Variants in ARID5A observed in about 807,000 individuals in gnomAD.
ARID5A encodes AT-rich interaction domain 5A.
A neutral mutation model predicts 30.5 loss-of-function variants in ARID5A; 14 were observed. That is an observed-to-expected ratio of 0.46 (90% CI 0.30 to 0.72). The LOEUF is 0.72. Ranked by LOEUF, ARID5A falls within the 30% of genes least tolerant of loss-of-function variation. ARID5A has a pLI of 0.07. For synonymous variants in ARID5A, 338 were observed against 340.4 expected, an observed-to-expected ratio of 0.99 and a Z score of 0.08; for missense variants, 669 against 786.2, an observed-to-expected ratio of 0.85 and a Z score of 1.78.
rs757209251 is a variant in ARID5A at position 96,552,325 on chromosome 2, GTGT to G, written c.*16_*18del. ...ACACCAAGCTGTAGGCCAGCCCATG[GTGT>G]TGTGTACACTGTGGAGTCGACAGGG... On this transcript the variant is annotated 3_prime_UTR_variant, in exon 7 of 7. Coordinates refer to ENST00000357485, the MANE Select transcript of ARID5A (RefSeq NM_212481.3). 5.0e-6 allele frequency: 8 copies of G among 1,613,300 alleles called. No homozygotes were observed. In the East Asian group the frequency reaches 1.1e-4, roughly 22 times the overall value.
intron 1 of ARID5A, among the ~76,000 whole-genome samples, chr2:96,546,566 C>T (rs960339867): frequency 6.6e-6 from 1 of 152,254 alleles, no homozygotes; most frequent in Non-Finnish European, 1.5e-5. Context: ...ACCGAACTAT[C>T]AGGGAGCCCC....
chr2:96,545,647 G>A, intron 1 of ARID5A, among the ~76,000 whole-genome samples: 1 of 152,038 alleles, frequency 6.6e-6, no homozygotes, highest in East Asian at 1.9e-4. Context: ...TGCATGCCAT[G>A]GAGAAGTCTT....
Position 96,551,780 on chromosome 2 carries a change from GTGTC to G in ARID5A, c.1253_1256del (p.Val418AlafsTer91). The G allele has an allele frequency of 6.5e-7, 1 of 1,539,448 alleles. No individual in the cohort carries two copies. The highest frequency in any genetic ancestry group is 8.7e-7 in the Non-Finnish European group (1 of 1,147,900). On this transcript the variant is annotated frameshift_variant, in exon 7 of 7. Transcript: ENST00000357485. LOFTEE classifies it low-confidence loss of function (END_TRUNC). ...CTACCCCAAGCCCAAAGCCTGCTGG[GTGTC>G]CCCCATGGCCAAGGTCCCAGCCGAG...
rs1315385975 is a variant in ARID5A, at chr2:96,550,552, G to C, written c.411-22G>C. 3.2e-6 allele frequency: 5 copies of C among 1,583,746 alleles called. No homozygotes were observed. In the African/African-American group the frequency reaches 4.0e-5, roughly 13 times the overall value. On this transcript the variant is annotated intron_variant, in intron 5 of 6. Coordinates refer to ENST00000357485, the MANE Select transcript of ARID5A (RefSeq NM_212481.3). The surrounding 1 kb of genome is among the most constrained non-coding windows in gnomAD (Gnocchi z 6.6). The stretch of plus-strand genomic sequence containing the variant: ...GGGGATGGGCGCCGGCCTCCTGGGG[G>C]ACATGCGTGGTTCCTCACCAGGCTG...
intron 1 of ARID5A, among the ~76,000 whole-genome samples, chr2:96,540,661 G>A (rs138591665): frequency 1.4e-3 from 207 of 152,352 alleles, no homozygotes; most frequent in African/African-American, 4.5e-3. Flanking sequence ...TGAAAAGAAA[G>A]ATGCAATACT....
chr2:96,546,009 G>A (rs1056258223), intron 1 of ARID5A, among the ~76,000 whole-genome samples: 1 of 151,554 alleles, frequency 6.6e-6, no homozygotes, highest in African/African-American at 2.4e-5. Context: ...CTTATTTTAA[G>A]AAATTGCCAC....
chr2:96,542,326 T>A (rs1261740078), intron 1 of ARID5A, among the ~76,000 whole-genome samples: 1 of 152,146 alleles, frequency 6.6e-6, no homozygotes, highest in Non-Finnish European at 1.5e-5. Flanking sequence ...ACCGAGTTCA[T>A]CTGGGGACTC....
chr2:96,548,723 C>T (rs1053121624), intron 2 of ARID5A, among the ~76,000 whole-genome samples: 35 of 152,360 alleles, frequency 2.3e-4, no homozygotes, highest in African/African-American at 6.7e-4. Context: ...GAGATTGCCC[C>T]TCTGGGACCC....
intron 1 of ARID5A, among the ~76,000 whole-genome samples, chr2:96,544,402 TAATG>T (rs2065892409): frequency 6.6e-6 from 1 of 152,248 alleles, no homozygotes; most frequent in Admixed American, 6.5e-5. Context: ...TGTTAGGGGC[TAATG>T]CAGCTGGTAC....
rs767237845 is a variant in ARID5A, at chr2:96,552,294, A to C, written c.1766A>C (p.His589Pro). The C allele has an allele frequency of 1.2e-6, 2 of 1,613,042 alleles. No individual in the cohort carries two copies. The highest frequency in any genetic ancestry group is 1.7e-6 in the Non-Finnish European group (2 of 1,179,786). The change falls in exon 7 of 7, where the codon CAC (histidine) becomes CCC (proline). Residue 589 changes from histidine (H) to proline (P), a missense_variant. Transcript: ENST00000357485. ...VTTYAAPHFFHLNTKL is the reference protein window; with the variant it reads ...VTTYAAPHFFPLNTKL ...ACCTATGCAGCGCCCCACTTCTTCC[A>C]CCTCAACACCAAGCTGTAGGCCAGC... is the stretch of plus-strand genomic sequence containing the variant.
Position 96,536,805 on chromosome 2 carries a change from C to A in ARID5A, c.-22C>A. Reference sequence around the variant, plus strand: ...CGCGCGCTGAGGGTCTCGGGGCGGGCGCCGCGGGACCTCTCCGGGCCATGG... The same window carrying A: ...CGCGCGCTGAGGGTCTCGGGGCGGGAGCCGCGGGACCTCTCCGGGCCATGG... On this transcript the variant is annotated 5_prime_UTR_variant, in exon 1 of 7. Coordinates refer to ENST00000357485, the MANE Select transcript of ARID5A (RefSeq NM_212481.3). 1 of 1,213,652 alleles carries A rather than the reference C, an allele frequency of 8.2e-7. No individual in the cohort carries two copies. Among genetic ancestry groups the A allele is most frequent in the Non-Finnish European group, 1.0e-6 (1 of 977,524 alleles). The allele number at this position is 1,213,652 out of a possible 1,614,324, so 75.2% of individuals were successfully genotyped here.
At position 96,544,010 on chromosome 2, in the gene ARID5A, A is replaced by G. The variant is rs143270568; in HGVS notation, c.5-3392A>G. ...AATGGAGAAAGTTTGAGAAGTCTGG[A>G]TAGAAGATCCAACAAGCCATAACAT... On this transcript the variant is annotated intron_variant, in intron 1 of 6. Coordinates refer to ENST00000357485, the MANE Select transcript of ARID5A (RefSeq NM_212481.3). Among the ~76,000 whole-genome samples, 330 of 152,344 alleles carry G rather than the reference A, an allele frequency of 2.2e-3. 2 individuals are homozygous for G. Among genetic ancestry groups the G allele is most frequent in the African/African-American group, 7.7e-3 (322 of 41,572 alleles).
At chr2:96,541,988 A>T (rs1286857988) in intron 1 of ARID5A, among the ~76,000 whole-genome samples, 1 of 152,180 alleles carries the variant, frequency 6.6e-6, no homozygotes, top group Non-Finnish European at 1.5e-5. Context: ...CAGAGCCAGG[A>T]GAGGGCCCAC....
chr2:96,548,734 G>A (rs577480845), intron 2 of ARID5A, among the ~76,000 whole-genome samples: 18 of 152,338 alleles, frequency 1.2e-4, no homozygotes, highest in Non-Finnish European at 2.6e-4. Context: ...TCTGGGACCC[G>A]CAACCAAAAG....
intron 1 of ARID5A, among the ~76,000 whole-genome samples, chr2:96,547,144 CT>C (rs1267886693): frequency 2.0e-5 from 3 of 151,500 alleles, no homozygotes; most frequent in Non-Finnish European, 4.4e-5. Context: ...CCCCTTCCCC[CT>C]GGCCAATTCT....
intron 1 of ARID5A, chr2:96,538,327 AG>A: frequency 1.0e-6 from 1 of 985,480 alleles, no homozygotes; most frequent in East Asian, 1.1e-4. Context: ...GCCCGGTAAG[AG>A]GGACAGGGAG....
chr2:96,550,826 A>C lies in ARID5A; in HGVS notation c.570+93A>C. 1 of 1,445,674 alleles carries C rather than the reference A, an allele frequency of 6.9e-7. No individual in the cohort carries two copies. The allele number at this position is 1,445,674 out of a possible 1,614,324, so 89.6% of individuals were successfully genotyped here. On this transcript the variant is annotated intron_variant, in intron 6 of 6. Transcript: ENST00000357485. This position sits in a 1 kb window ranked among gnomAD's most constrained non-coding sequence, Gnocchi z 6.6. The stretch of plus-strand genomic sequence containing the variant: ...TGTGGCCGCGGAGCTGTCTGCTCAG[A>C]ATACACAGAACCTGCACCCAGGGCG...
intron 6 of ARID5A, 68 bp from the exon 7 acceptor site, chr2:96,551,031 A>T (rs2066028987): frequency 1.3e-6 from 2 of 1,518,990 alleles, no homozygotes; most frequent in Non-Finnish European, 1.8e-6. Context: ...TGAAAGTGCC[A>T]CCTCTTGCTC....
Position 96,552,388 on chromosome 2 carries a change from C to A in ARID5A, c.*75C>A. ...AGGCAGGTACTGCTGCCAGGGGGCT[C>A]TGAACTAGTGCCTGCTACCCAGGAC... is the stretch of plus-strand genomic sequence containing the variant. On this transcript the variant is annotated 3_prime_UTR_variant, in exon 7 of 7. Coordinates refer to ENST00000357485, the MANE Select transcript of ARID5A (RefSeq NM_212481.3). The A allele has an allele frequency of 6.3e-7, 1 of 1,597,190 alleles. No homozygotes were observed. Among genetic ancestry groups the A allele is most frequent in the East Asian group, 2.3e-5 (1 of 43,256 alleles).
Sources: allele counts gnomAD v4.1 joint callset (sites outside exome capture counted in the v4.1 genomes callset), GRCh38; gene constraint gnomAD v4.1.1; non-coding constraint Gnocchi (gnomAD v3.1); transcripts MANE v1.5; gene names NCBI Gene and HGNC (gene_info 2026-07-23, HGNC 2026-07-21).